Variants in LRBA observed in about 807,000 individuals in gnomAD.
LRBA encodes lipopolysaccharide-responsive and beige-like anchor protein.
LRBA carries 176 observed loss-of-function variants against 330.0 expected under a neutral mutation model. The observed-to-expected ratio is 0.53, with a 90% CI of 0.47 to 0.60. The LOEUF is 0.60. LRBA is among the 20% of genes least tolerant of loss of function. The pLI is 0.00. For synonymous variants in LRBA, 1,230 were observed against 1,193.0 expected (o/e 1.03, Z -0.64); for missense variants, 3,259 against 3,444.8 (o/e 0.95, Z 1.35).
intron 15 of LRBA, among the ~76,000 whole-genome samples, chr4:150,896,797 TC>T (rs1730132731): frequency 2.0e-5 from 3 of 151,964 alleles, no homozygotes; most frequent in Admixed American, 6.6e-5. Context: ...ACAGAAGACA[TC>T]TTTTCGACTG....
chr4:150,404,915 G>C (rs565753418), intron 47 of LRBA, among the ~76,000 whole-genome samples: 3 of 152,092 alleles, frequency 2.0e-5, no homozygotes, highest in Non-Finnish European at 4.4e-5. Context: ...ACAAAATGCG[G>C]TTTACTCTCA....
At position 150,870,513 on chromosome 4, in the gene LRBA, T is replaced by A; in HGVS notation, c.2449+12A>T. The A allele has an allele frequency of 6.7e-7, 1 of 1,486,994 alleles. No individual in the cohort carries two copies. Among genetic ancestry groups the A allele is most frequent in the Non-Finnish European group, 9.4e-7 (1 of 1,066,116 alleles). 92.1% of individuals were successfully genotyped at this position (1,486,994 alleles called of 1,614,324 possible). ...AAAAGGTAGTTTTTGTTAAAGTATA[T>A]AAAATACATACGAGGGTTTTGTATC... On this transcript the variant is annotated intron_variant, in intron 20 of 56. Coordinates refer to ENST00000651943, the MANE Select transcript of LRBA (RefSeq NM_001364905.1).
chr4:150,523,277 A>C (rs1763121148), intron 40 of LRBA, among the ~76,000 whole-genome samples: 1 of 152,160 alleles, frequency 6.6e-6, no homozygotes, highest in Admixed American at 6.5e-5. Flanking sequence ...TGTATTGGGC[A>C]GTGTGGTCTT....
intron 46 of LRBA, among the ~76,000 whole-genome samples, chr4:150,420,487 T>A (rs867136389): frequency 1.2e-5 from 1 of 81,936 alleles, no homozygotes; most frequent in South Asian, 3.6e-4. Flanking sequence ...ATAATATATA[T>A]AAAGTATATA....
intron 20 of LRBA, 72 bp from the exon 21 acceptor site, chr4:150,868,377 T>C (rs1753005237): frequency 2.7e-6 from 3 of 1,092,588 alleles, no homozygotes; most frequent in Non-Finnish European, 3.8e-6. Context: ...CATCCATCTA[T>C]TGCAATTTCT....
chr4:150,290,198 A>G (rs1249264959), intron 53 of LRBA, among the ~76,000 whole-genome samples: 1 of 152,204 alleles, frequency 6.6e-6, no homozygotes, highest in Non-Finnish European at 1.5e-5. Flanking sequence ...CACATAGTTA[A>G]TACCCAGGGA....
chr4:150,917,696 G>T (rs1321712296), intron 5 of LRBA, among the ~76,000 whole-genome samples: 1 of 152,128 alleles, frequency 6.6e-6, no homozygotes, highest in Non-Finnish European at 1.5e-5. Context: ...GGAGGCCAAG[G>T]CAGGCAGATC....
intron 18 of LRBA, 100 bp from the exon 19 acceptor site, chr4:150,871,553 A>G: frequency 1.4e-6 from 1 of 692,946 alleles, no homozygotes; most frequent in Non-Finnish European, 2.6e-6. Flanking sequence ...TTTTCACATT[A>G]CAAACAATTC....
At chr4:150,412,753 T>C (rs939392075) in intron 47 of LRBA, among the ~76,000 whole-genome samples, 9 of 151,886 alleles carry the variant, frequency 5.9e-5, no homozygotes, top group Non-Finnish European at 1.2e-4. Flanking sequence ...AAGTCATATT[T>C]GAGAAAAAGT....
Position 150,828,930 on chromosome 4 carries a change from T to G in LRBA, c.4730-309A>C, listed in dbSNP as rs911663986. ...CTATAATCTTTTTTGGGGGTGTGTG[T>G]GTGTGTGTGTGTGTGTGTGTGTGTG... On this transcript the variant is annotated intron_variant, in intron 29 of 56. Coordinates refer to ENST00000651943, the MANE Select transcript of LRBA (RefSeq NM_001364905.1). Among the ~76,000 whole-genome samples the G allele has an allele frequency of 4.8e-5, 7 of 145,442 alleles. No homozygotes were observed. In the East Asian group the frequency reaches 1.4e-3, roughly 29 times the overall value.
chr4:150,930,476 G>A (rs138982453), intron 2 of LRBA, among the ~76,000 whole-genome samples: 2 of 152,018 alleles, frequency 1.3e-5, no homozygotes, highest in East Asian at 1.9e-4. Context: ...CTAGGCAACA[G>A]ACCAAGACTC....
chr4:150,636,542 C>A (rs931765525), intron 37 of LRBA, among the ~76,000 whole-genome samples: 3 of 152,118 alleles, frequency 2.0e-5, no homozygotes, highest in Non-Finnish European at 4.4e-5. Flanking sequence ...CTCCACAGAG[C>A]CCTGGTTTCA....
chr4:150,844,291 C>A, intron 27 of LRBA, 84 bp from the exon 28 acceptor site: 1 of 721,080 alleles, frequency 1.4e-6, no homozygotes, highest in South Asian at 3.1e-5. Flanking sequence ...ACACAGTATT[C>A]CCAGAACCAG....
intron 48 of LRBA, among the ~76,000 whole-genome samples, chr4:150,339,249 C>T (rs1029005766): frequency 3.3e-5 from 5 of 152,094 alleles, no homozygotes; most frequent in African/African-American, 1.2e-4. Flanking sequence ...TGGAGGTACT[C>T]TGATTTCTGA....
At chr4:150,862,145 A>G (rs1752022480) in intron 22 of LRBA, among the ~76,000 whole-genome samples, 1 of 152,242 alleles carries the variant, frequency 6.6e-6, no homozygotes, top group Admixed American at 6.5e-5. Flanking sequence ...TTCTAGAACT[A>G]GAAATACCAT....
At chr4:150,356,580 T>C (rs1442206295) in intron 47 of LRBA, among the ~76,000 whole-genome samples, 2 of 151,992 alleles carry the variant, frequency 1.3e-5, no homozygotes, top group Non-Finnish European at 2.9e-5. Context: ...CACAGAAAAT[T>C]AACATTTTTT....
intron 2 of LRBA, among the ~76,000 whole-genome samples, chr4:150,987,326 T>A (rs747230159): frequency 1.4e-4 from 22 of 152,334 alleles, no homozygotes; most frequent in Middle Eastern, 3.4e-3. Flanking sequence ...GAAATTGTGC[T>A]AATGCCTTAA....
At chr4:150,624,692 T>C (rs1195101217) in intron 37 of LRBA, among the ~76,000 whole-genome samples, 1 of 152,064 alleles carries the variant, frequency 6.6e-6, no homozygotes, top group Admixed American at 6.5e-5. Context: ...TAATTAAAAC[T>C]AGATAAAGGA....
At chr4:150,404,410 G>A (rs1745904275) in intron 47 of LRBA, among the ~76,000 whole-genome samples, 2 of 152,112 alleles carry the variant, frequency 1.3e-5, no homozygotes, top group African/African-American at 4.8e-5. Context: ...TGCTTTTTGA[G>A]AGCATAGTGA....
Sources: allele counts gnomAD v4.1 joint callset (sites outside exome capture counted in the v4.1 genomes callset), GRCh38; gene constraint gnomAD v4.1.1; transcripts MANE v1.5; gene names NCBI Gene and HGNC (gene_info 2026-07-23, HGNC 2026-07-21).